Variants in IREB2 observed in about 807,000 individuals in gnomAD.
The protein encoded by IREB2 is iron-responsive element-binding protein 2.
IREB2 carries 39 observed loss-of-function variants against 118.8 expected under a neutral mutation model. That is an observed-to-expected ratio of 0.33 (90% confidence interval 0.25 to 0.43). The LOEUF (loss-of-function observed/expected upper bound fraction) is 0.43. Among genes scored for constraint, IREB2 ranks in the 20% least tolerant of loss-of-function variants. IREB2 has a pLI of 1.00. For synonymous variants in IREB2, 372 were observed against 392.2 expected, an observed-to-expected ratio of 0.95 and a Z score of 0.61; for missense variants, 900 against 1,147.3, an observed-to-expected ratio of 0.78 and a Z score of 3.11.
chr15:78,483,345 G>A lies in IREB2; in HGVS notation c.1324G>A (p.Val442Ile). ...GATCCAGATTAATCTGAATTCAATA[G>A]TTCCATCTGTTAGTGGTCCAAAAAG... ...QVIQINLNSI[V>I]PSVSGPKRPQ... is the part of the protein sequence containing the mutation. The change falls in exon 11 of 22, where the codon GTT becomes ATT. Residue 442 changes from valine (V) to isoleucine (I), a missense_variant. By Grantham distance (29) the Val-to-Ile change is conservative. Transcript: ENST00000258886. The A allele has an allele frequency of 6.3e-7, 1 of 1,584,678 alleles. No homozygotes were observed. The highest frequency in any genetic ancestry group is 2.2e-5 in the East Asian group (1 of 44,682).
In IREB2 at chr15:78,498,899, G is replaced by A. The variant is rs2051889384; in HGVS notation, c.*756G>A. 1 of 152,104 alleles carries A rather than the reference G, an allele frequency of 6.6e-6. No homozygotes were observed. The highest frequency in any genetic ancestry group is 1.5e-5 in the Non-Finnish European group (1 of 68,006). 9.4% of individuals were successfully genotyped at this position (152,104 alleles called of 1,614,324 possible). On this transcript the variant is annotated 3_prime_UTR_variant, in exon 22 of 22. Transcript: ENST00000258886. ...GTGACTGTCTGGCAAGCCCCCAGAT[G>A]GCGTTATATTAATTGGATTAGATTA...
intron 14 of IREB2, 82 bp from the exon 15 acceptor site, chr15:78,488,098 A>T: frequency 1.5e-6 from 2 of 1,344,324 alleles, no homozygotes; most frequent in Non-Finnish European, 2.0e-6. Context: ...CTCAGACTTT[A>T]AGATTGCTTA....
At chr15:78,476,397 A>G in intron 9 of IREB2, 38 bp downstream of exon 9, 2 of 1,368,330 alleles carry the variant, frequency 1.5e-6, no homozygotes, top group East Asian at 2.4e-5. Context: ...AACATGTTAC[A>G]TTTCCAATGT....
At chr15:78,442,588 A>G (rs1396258736) in intron 2 of IREB2, among the ~76,000 whole-genome samples, 1 of 152,232 alleles carries the variant, frequency 6.6e-6, no homozygotes, top group East Asian at 1.9e-4. Flanking sequence ...ACACTGTTCT[A>G]AGCTCCATGC....
intron 2 of IREB2, among the ~76,000 whole-genome samples, chr15:78,462,002 TAAA>T (rs2051205283): frequency 6.6e-6 from 1 of 152,208 alleles, no homozygotes; most frequent in South Asian, 2.1e-4. Context: ...TTCTTTTTGT[TAAA>T]ATATGCATGC....
chr15:78,476,378 A>G lies in IREB2; in HGVS notation c.1195+19A>G, dbSNP rs774344286. 7 of 1,474,216 alleles carry G rather than the reference A, an allele frequency of 4.7e-6. No individual in the cohort carries two copies. Among genetic ancestry groups the G allele is most frequent in the East Asian group, 2.3e-5 (1 of 43,422 alleles). 91.3% of individuals were successfully genotyped at this position (1,474,216 alleles called of 1,614,324 possible). On this transcript the variant is annotated intron_variant, in intron 9 of 21. Transcript: ENST00000258886. ...CATACAGGTAAGAAGATAAAAGATCACTAGAATAAACATGTTACATTTCCA... is the reference window on the plus strand; with the variant it reads ...CATACAGGTAAGAAGATAAAAGATCGCTAGAATAAACATGTTACATTTCCA...
intron 2 of IREB2, among the ~76,000 whole-genome samples, chr15:78,448,549 A>G (rs1173612585): frequency 6.6e-6 from 1 of 152,202 alleles, no homozygotes; most frequent in Non-Finnish European, 1.5e-5. Context: ...GTTTATTGGA[A>G]ATCAGCCCTA....
upstream of IREB2, chr15:78,438,084 G>C (rs984831326): frequency 9.5e-5 from 47 of 495,900 alleles, 1 homozygote; most frequent in East Asian, 1.4e-3. Flanking sequence ...GACGGCGCGA[G>C]AAATCGCTTT....
At chr15:78,491,115 C>G (rs1308082179) in intron 18 of IREB2, among the ~76,000 whole-genome samples, 1 of 152,000 alleles carries the variant, frequency 6.6e-6, no homozygotes, top group Non-Finnish European at 1.5e-5. Flanking sequence ...TGGTTAAAAC[C>G]AGCTTCCCAT....
intron 2 of IREB2, among the ~76,000 whole-genome samples, chr15:78,451,031 C>T (rs986931475): frequency 1.6e-4 from 25 of 152,096 alleles, no homozygotes; most frequent in African/African-American, 5.8e-4. Context: ...GTGGCTCAAT[C>T]TCGGCTCACT....
At chr15:78,496,272 A>G (rs558286315) in intron 20 of IREB2, among the ~76,000 whole-genome samples, 2 of 151,698 alleles carry the variant, frequency 1.3e-5, no homozygotes, top group East Asian at 3.9e-4. Flanking sequence ...GTTGTTACTT[A>G]TTTGTATTTT....
Position 78,493,085 on chromosome 15 carries a change from A to G in IREB2, c.2325-824A>G, listed in dbSNP as rs1352046618. On this transcript the variant is annotated intron_variant, in intron 18 of 21. Coordinates refer to ENST00000258886, the MANE Select transcript of IREB2 (RefSeq NM_004136.4). The stretch of plus-strand genomic sequence containing the variant: ...TTAAAAACCCAAATCTTATCAAACC[A>G]CTGGATCTGACATGTGATTTACAAG... 2.6e-5 allele frequency among the ~76,000 whole-genome samples: 4 copies of G among 152,224 alleles called. No homozygotes were observed. The East Asian group carries it at 7.7e-4, about 29-fold the overall frequency.
chr15:78,484,961 A>ATTTCTATTTCC, intron 12 of IREB2, 41 bp downstream of exon 12: 1 of 1,579,828 alleles, frequency 6.3e-7, no homozygotes. Context: ...TTTTTCCTTA[A>ATTTCTATTTCC]TTATTGTTGG....
chr15:78,445,452 T>G (rs957320387), intron 2 of IREB2, among the ~76,000 whole-genome samples: 3 of 152,218 alleles, frequency 2.0e-5, no homozygotes, highest in African/African-American at 7.2e-5. Context: ...TTCCAGTCTT[T>G]ACCTTGGACT....
chr15:78,497,586 G>A lies in IREB2; in HGVS notation c.2781+275G>A, dbSNP rs915507321. On this transcript the variant is annotated intron_variant, in intron 21 of 21. Transcript: ENST00000258886. ...AACAAGTGTCAGCTTTCTTTTCATG[G>A]TGGTCATTTTTTTGCTGTCCTGATC... Among the ~76,000 whole-genome samples, 22 of 152,244 alleles carry A rather than the reference G, an allele frequency of 1.4e-4. 1 individual carries two copies. The highest frequency in any genetic ancestry group is 2.2e-4 in the African/African-American group (9 of 41,534).
chr15:78,480,751 T>C (rs2051555090), intron 10 of IREB2, among the ~76,000 whole-genome samples: 5 of 149,686 alleles, frequency 3.3e-5, no homozygotes, highest in Admixed American at 2.7e-4. Context: ...CCTAGCACTT[T>C]GGGAGGCCCG....
intron 2 of IREB2, among the ~76,000 whole-genome samples, chr15:78,443,589 T>G (rs1168705562): frequency 6.6e-6 from 1 of 152,170 alleles, no homozygotes. Context: ...TGATTTTGCT[T>G]GTGGGGAATC....
At position 78,472,944 on chromosome 15, in the gene IREB2, A is replaced by G. The variant is rs76159478; in HGVS notation, c.884-298A>G. The stretch of plus-strand genomic sequence containing the variant: ...GGGACTGGATTCTGTTTATATCTGT[A>G]TCTTGAATACAGTGCAGTGCCTAAC... On this transcript the variant is annotated intron_variant, in intron 7 of 21. Coordinates refer to ENST00000258886, the MANE Select transcript of IREB2 (RefSeq NM_004136.4). Among the ~76,000 whole-genome samples, 1,132 of 152,260 alleles carry G rather than the reference A, an allele frequency of 7.4e-3. 15 individuals carry two copies. Among genetic ancestry groups the G allele is most frequent in the African/African-American group, 0.022 (927 of 41,532 alleles).
rs1191069133 is a variant in IREB2, at chr15:78,500,898, C to T, written c.*2755C>T. 6.6e-6 allele frequency: 1 copy of T among 152,142 alleles called. No homozygotes were observed. Among genetic ancestry groups the T allele is most frequent in the Non-Finnish European group, 1.5e-5 (1 of 68,028 alleles). The allele number at this position is 152,142 out of a possible 1,614,324, so 9.4% of individuals were successfully genotyped here. A position where few individuals can be genotyped will look rare whatever the true frequency, so the allele number is the denominator to read the frequency against. The stretch of plus-strand genomic sequence containing the variant: ...CGTTGGTAATCAAACAACAGTTGTA[C>T]TAAAGGAAAGTAAAGCTAGGACCTA... On this transcript the variant is annotated 3_prime_UTR_variant, in exon 22 of 22. Transcript: ENST00000258886.
Sources: gnomAD v4.1 joint callset for allele counts (sites outside exome capture counted in the v4.1 genomes callset) on GRCh38, gnomAD v4.1.1 for gene constraint, MANE v1.5 for transcripts, NCBI Gene and HGNC (gene_info 2026-07-23, HGNC 2026-07-21) for gene names.